Variants in ERC2 observed in about 807,000 individuals in gnomAD.
ERC2 encodes the protein ELKS/RAB6-interacting/CAST family member 2.
In ERC2, 42 loss-of-function variants were observed where a neutral mutation model predicts 114.8. The observed-to-expected ratio is 0.37, with a 90% CI of 0.29 to 0.47. The LOEUF (loss-of-function observed/expected upper bound fraction) is 0.47, where lower values mean the gene tolerates loss of function less well. ERC2 is among the 20% of genes least tolerant of loss of function. The pLI is 0.99. For missense variants in ERC2, 939 were observed against 1,150.7 expected, an observed-to-expected ratio of 0.82 and a Z score of 2.66; for synonymous variants, 454 against 425.5, an observed-to-expected ratio of 1.07 and a Z score of -0.82.
chr3:56,233,784 G>T (rs1036812887), intron 3 of ERC2, among the ~76,000 whole-genome samples: 1 of 152,092 alleles, frequency 6.6e-6, no homozygotes, highest in Non-Finnish European at 1.5e-5. Flanking sequence ...GAGGTGGCCC[G>T]TATTGCTTGG....
intron 17 of ERC2, among the ~76,000 whole-genome samples, chr3:55,677,206 C>T (rs954419094): frequency 3.3e-5 from 5 of 152,154 alleles, no homozygotes; most frequent in African/African-American, 1.2e-4. Flanking sequence ...GAAAGAAACC[C>T]TCTGCTATAA....
intron 14 of ERC2, among the ~76,000 whole-genome samples, chr3:55,739,378 A>G (rs1050249665): frequency 3.3e-5 from 5 of 152,208 alleles, no homozygotes; most frequent in Non-Finnish European, 7.3e-5. Context: ...TCCCACCAAC[A>G]GTGCAAAAGC....
intron 3 of ERC2, among the ~76,000 whole-genome samples, chr3:56,214,844 T>C (rs952709503): frequency 6.6e-6 from 1 of 152,190 alleles, no homozygotes; most frequent in African/African-American, 2.4e-5. Context: ...ATATTCAACA[T>C]TCTTAAAGAA....
At chr3:55,940,308 G>GA (rs923198209) in intron 13 of ERC2, among the ~76,000 whole-genome samples, 24 of 151,180 alleles carry the variant, frequency 1.6e-4, no homozygotes, top group South Asian at 1.3e-3. Flanking sequence ...GAGGCTTAGA[G>GA]AAAAAAAAAT....
intron 3 of ERC2, among the ~76,000 whole-genome samples, chr3:56,283,028 C>A (rs980239757): frequency 6.6e-6 from 1 of 152,202 alleles, no homozygotes; most frequent in East Asian, 1.9e-4. Context: ...GAAGTCCCCA[C>A]GGTCAGCACA....
At chr3:56,008,283 C>G (rs977617058) in intron 9 of ERC2, among the ~76,000 whole-genome samples, 17 of 152,196 alleles carry the variant, frequency 1.1e-4, no homozygotes, top group Admixed American at 9.2e-4. Context: ...ATAAAAATCA[C>G]CATCATCCAG....
chr3:56,120,359 T>C, intron 6 of ERC2, among the ~76,000 whole-genome samples: 1 of 152,134 alleles, frequency 6.6e-6, no homozygotes, highest in East Asian at 1.9e-4. Flanking sequence ...TTTATGGAGA[T>C]TCAGTGGAGG....
At chr3:56,137,600 C>A (rs1481291206) in intron 6 of ERC2, among the ~76,000 whole-genome samples, 1 of 152,198 alleles carries the variant, frequency 6.6e-6, no homozygotes, top group Non-Finnish European at 1.5e-5. Flanking sequence ...AGCACAAAAG[C>A]AGCCAAAGAC....
chr3:56,377,445 C>T (rs1002709077), intron 2 of ERC2, among the ~76,000 whole-genome samples: 7 of 152,188 alleles, frequency 4.6e-5, no homozygotes, highest in East Asian at 3.9e-4. Context: ...AAGATTGTTG[C>T]CATAAATTTC....
At chr3:56,015,105 A>G (rs185463711) in intron 8 of ERC2, among the ~76,000 whole-genome samples, 171 of 152,330 alleles carry the variant, frequency 1.1e-3, no homozygotes, top group African/African-American at 4.1e-3. Flanking sequence ...TTTTAGCAAA[A>G]TTAATTTGGA....
At chr3:56,100,550 G>A (rs1575421327) in intron 6 of ERC2, among the ~76,000 whole-genome samples, 2 of 152,308 alleles carry the variant, frequency 1.3e-5, no homozygotes, top group Non-Finnish European at 2.9e-5. Flanking sequence ...TAACCCTGCT[G>A]GGAAAAGATA....
chr3:56,026,815 C>T (rs774491724), intron 7 of ERC2, among the ~76,000 whole-genome samples: 3 of 152,126 alleles, frequency 2.0e-5, no homozygotes, highest in African/African-American at 7.2e-5. Flanking sequence ...CACTCATGTG[C>T]ATTTGTGTAT....
chr3:55,566,007 A>C (rs1222039294), intron 17 of ERC2, among the ~76,000 whole-genome samples: 1 of 152,218 alleles, frequency 6.6e-6, no homozygotes, highest in African/African-American at 2.4e-5. Context: ...AAGGAGGCAG[A>C]GTGGTCTCTT....
intron 15 of ERC2, among the ~76,000 whole-genome samples, chr3:55,713,576 G>A (rs1324790536): frequency 6.6e-6 from 1 of 152,108 alleles, no homozygotes; most frequent in Admixed American, 6.5e-5. Context: ...GTTTCATCTC[G>A]CTGAGATGTT....
chr3:55,518,521 T>G (rs1185868534), intron 17 of ERC2, among the ~76,000 whole-genome samples: 1 of 152,244 alleles, frequency 6.6e-6, no homozygotes. Context: ...AGGTGAAATC[T>G]AGTTTAAATT....
chr3:55,918,357 T>A (rs1471124977), intron 13 of ERC2, among the ~76,000 whole-genome samples: 1 of 152,128 alleles, frequency 6.6e-6, no homozygotes, highest in Non-Finnish European at 1.5e-5. Flanking sequence ...TTTGTCTCAC[T>A]CTTCCTCCGA....
chr3:55,526,149 G>A (rs2053299891), intron 17 of ERC2, among the ~76,000 whole-genome samples: 2 of 152,210 alleles, frequency 1.3e-5, no homozygotes, highest in East Asian at 3.9e-4. Context: ...GGAATGCCAA[G>A]GGTACCAGCA....
chr3:56,057,219 C>A (rs886689470), intron 7 of ERC2, among the ~76,000 whole-genome samples: 1 of 152,156 alleles, frequency 6.6e-6, no homozygotes, highest in Non-Finnish European at 1.5e-5. Flanking sequence ...TTTTAAGTGT[C>A]CACTTCAGGG....
At chr3:55,782,812 A>G (rs1288102820) in intron 14 of ERC2, among the ~76,000 whole-genome samples, 2 of 152,214 alleles carry the variant, frequency 1.3e-5, no homozygotes, top group African/African-American at 4.8e-5. Context: ...ATCAGGTCAA[A>G]TCACCTTCCA....
Sources: allele counts gnomAD v4.1 joint callset (sites outside exome capture counted in the v4.1 genomes callset), GRCh38; gene constraint gnomAD v4.1.1; transcripts MANE v1.5; gene names NCBI Gene and HGNC (gene_info 2026-07-23, HGNC 2026-07-21).